ANPEP: variants seen among roughly 807,000 people sequenced by gnomAD.
The protein encoded by ANPEP is alanyl aminopeptidase, membrane.
A neutral mutation model predicts 114.6 loss-of-function variants in ANPEP; 70 were observed. That is an observed-to-expected ratio of 0.61 (90% CI 0.50 to 0.75). ANPEP has a LOEUF of 0.75. Ranked by LOEUF, ANPEP falls within the 30% of genes least tolerant of loss-of-function variation. The pLI is 0.00. For missense variants in ANPEP, 1,184 were observed against 1,259.5 expected (o/e 0.94, Z 0.91); for synonymous variants, 548 against 522.3 (o/e 1.05, Z -0.67).
chr15:89,804,915 G>C, intron 4 of ANPEP, 163 bp downstream of exon 4: 1 of 1,073,550 alleles, frequency 9.3e-7, no homozygotes, highest in Admixed American at 2.6e-5. Context: ...TTCAGGTGCA[G>C]AAATGGAGAA....
chr15:89,808,825 A>G (rs926849216), intron 1 of ANPEP, among the ~76,000 whole-genome samples: 1 of 152,220 alleles, frequency 6.6e-6, no homozygotes, highest in African/African-American at 2.4e-5. Flanking sequence ...CAATGTGTGA[A>G]CTGAAGGGAC....
intron 19 of ANPEP, 65 bp downstream of exon 19, chr15:89,790,888 C>A: frequency 1.3e-6 from 2 of 1,583,440 alleles, no homozygotes; most frequent in Non-Finnish European, 8.6e-7. Context: ...CTTACCCGCA[C>A]AGGCCACCCC....
intron 1 of ANPEP, among the ~76,000 whole-genome samples, chr15:89,811,929 A>T (rs2141817582): frequency 6.6e-6 from 1 of 152,350 alleles, no homozygotes; most frequent in East Asian, 1.9e-4. Context: ...TTCCCTGCCT[A>T]TGTTTTAGTC....
rs201340495 is a variant in ANPEP at position 89,785,440 on chromosome 15, T to C, written c.2813A>G (p.Glu938Gly). ...TGFGSGTRAL[E>G]QALEKTKANI... ...GGCTTTCGTCTTCTCCAGGGCTTGCTCCAGGGCCCGGGTGCCTGAGCCGAA... is the reference window on the plus strand; with the variant it reads ...GGCTTTCGTCTTCTCCAGGGCTTGCCCCAGGGCCCGGGTGCCTGAGCCGAA... Residue 938 changes from glutamate (E) to glycine (G), a missense_variant, in exon 21 of 21, where the codon GAG becomes GGG. By Grantham distance (98) the Glu-to-Gly change is moderately conservative. Coordinates refer to ENST00000300060, the MANE Select transcript of ANPEP (RefSeq NM_001150.3). The C allele has an allele frequency of 7.5e-4, 1,208 of 1,614,140 alleles. 19 individuals carry two copies. The South Asian group carries it at 0.013, about 17-fold the overall frequency.
rs1894551563 is a variant in ANPEP at position 89,799,852 on chromosome 15, T to TAG, written c.1820-294_1820-293insCT. 6.6e-6 allele frequency among the ~76,000 whole-genome samples: 1 copy of TAG among 152,096 alleles called. No homozygotes were observed. ...GCTCACACTCAGCAATCCAGGCTGT[T>TAG]CCTCCTCCTTGCCCTCCTCCACACT... is the stretch of plus-strand genomic sequence containing the variant. On this transcript the variant is annotated intron_variant, in intron 12 of 20. Coordinates refer to ENST00000300060, the MANE Select transcript of ANPEP (RefSeq NM_001150.3). This position sits in a 1 kb window ranked among gnomAD's most constrained non-coding sequence, Gnocchi z 4.2.
intron 1 of ANPEP, among the ~76,000 whole-genome samples, chr15:89,812,012 C>G (rs569403413): frequency 6.6e-6 from 1 of 152,346 alleles, no homozygotes; most frequent in African/African-American, 2.4e-5. Flanking sequence ...AACGATCATG[C>G]CAGGGCATAA....
Position 89,806,270 on chromosome 15 carries a change from C to G in ANPEP, c.314G>C (p.Gly105Ala). The change falls in exon 2 of 21, where the codon GGC becomes GCC. Residue 105 changes from glycine (G) to alanine (A), a missense_variant. Coordinates refer to ENST00000300060, the MANE Select transcript of ANPEP (RefSeq NM_001150.3). The surrounding 1 kb of genome is among the most constrained non-coding windows in gnomAD (Gnocchi z 5.7). ...PNDRGLYVFK[G>A]SSTVRFTCKE... is the part of the protein sequence containing the mutation. ...GCAGGTGAAACGGACGGTGCTGGAG[C>G]CCTTAAAAACGTACAGGCCCCTGTC... The G allele has an allele frequency of 6.2e-7, 1 of 1,614,078 alleles. No individual in the cohort carries two copies. The highest frequency in any genetic ancestry group is 1.3e-5 in the African/African-American group (1 of 75,008).
At chr15:89,808,963 G>T (rs1346542590) in intron 1 of ANPEP, among the ~76,000 whole-genome samples, 2 of 152,212 alleles carry the variant, frequency 1.3e-5, no homozygotes, top group African/African-American at 2.4e-5. Context: ...GAGACTGAGG[G>T]TGTTCTGAGC....
chr15:89,806,464 G>C lies in ANPEP; in HGVS notation c.120C>G (p.Asn40Lys). The C allele has an allele frequency of 6.2e-7, 1 of 1,614,094 alleles. No homozygotes were observed. The part of the protein sequence containing the change: ...SVVYSQEKNK[N>K]ANSSPVASTT... ...TGGAGGCCACGGGGGAGCTGTTGGC[G>C]TTCTTGTTCTTCTCCTGGGAGTACA... Residue 40 changes from asparagine to lysine, a missense_variant, in exon 2 of 21, where the codon AAC becomes AAG. By Grantham distance (94) the Asn-to-Lys change is moderately conservative (BLOSUM62 0). Coordinates refer to ENST00000300060, the MANE Select transcript of ANPEP (RefSeq NM_001150.3). The surrounding 1 kb of genome is among the most constrained non-coding windows in gnomAD (Gnocchi z 5.7).
chr15:89,810,934 C>T (rs1292257731), intron 1 of ANPEP, among the ~76,000 whole-genome samples: 7 of 152,266 alleles, frequency 4.6e-5, no homozygotes, highest in African/African-American at 1.7e-4. Flanking sequence ...TGGAAAGCTT[C>T]CTGCCTTTGC....
At position 89,805,305 on chromosome 15, in the gene ANPEP, G is replaced by T. The variant is rs1894687083; in HGVS notation, c.757+16C>A. 2.5e-6 allele frequency: 4 copies of T among 1,613,236 alleles called. No individual in the cohort carries two copies. The highest frequency in any genetic ancestry group is 3.4e-6 in the Non-Finnish European group (4 of 1,179,436). On this transcript the variant is annotated intron_variant, in intron 3 of 20. Transcript: ENST00000300060. Reference sequence around the variant, plus strand: ...CCTGCCCCCTGGCCCTGTGGCCGCAGGCAGGGCCCACTCACCTTTGGGAAG... The same window carrying T: ...CCTGCCCCCTGGCCCTGTGGCCGCATGCAGGGCCCACTCACCTTTGGGAAG...
At chr15:89,807,063 G>T (rs564433346) in intron 1 of ANPEP, 1 of 157,512 alleles carries the variant, frequency 6.3e-6, no homozygotes, top group African/African-American at 2.4e-5. Context: ...AACACACTGG[G>T]GTCACCCCTT....
At chr15:89,809,812 T>C (rs757239742) in intron 1 of ANPEP, among the ~76,000 whole-genome samples, 3 of 152,232 alleles carry the variant, frequency 2.0e-5, no homozygotes, top group Non-Finnish European at 4.4e-5. Context: ...CTTAATACCT[T>C]CTGTGAACTT....
intron 20 of ANPEP, among the ~76,000 whole-genome samples, chr15:89,785,717 CAG>C (rs1968496049): frequency 6.6e-6 from 1 of 152,190 alleles, no homozygotes; most frequent in African/African-American, 2.4e-5. Flanking sequence ...AAACCTGGCT[CAG>C]GGAGATTCTG....
intron 1 of ANPEP, among the ~76,000 whole-genome samples, chr15:89,813,278 C>T (rs1894847324): frequency 6.6e-6 from 1 of 152,218 alleles, no homozygotes; most frequent in Non-Finnish European, 1.5e-5. Context: ...GACATGGGGA[C>T]CCCCATCTAT....
chr15:89,793,916 C>T (rs1056412505), intron 15 of ANPEP, among the ~76,000 whole-genome samples: 1 of 152,062 alleles, frequency 6.6e-6, no homozygotes, highest in African/African-American at 2.4e-5. Flanking sequence ...GTGTAAGCCC[C>T]ACCCCATGCT....
At position 89,803,715 on chromosome 15, in the gene ANPEP, T is replaced by C; in HGVS notation, c.1369A>G (p.Thr457Ala). 6.2e-7 allele frequency: 1 copy of C among 1,613,176 alleles called. No homozygotes were observed. The highest frequency in any genetic ancestry group is 1.3e-5 in the African/African-American group (1 of 75,008). The change falls in exon 8 of 21, where the codon ACA (threonine) becomes GCA (alanine). Residue 457 changes from threonine (T) to alanine (A), a missense_variant. Transcript: ENST00000300060. This position sits in a 1 kb window ranked among gnomAD's most constrained non-coding sequence, Gnocchi z 4.2. ...GGCGTGTTGATCTCCGAGGCGGGTG[T>C]GGACAGCGGGTGGGAGGAGGCCAGT... ...DALASSHPLS[T>A]PASEINTPAQ...
At chr15:89,809,106 C>T (rs1033785362) in intron 1 of ANPEP, among the ~76,000 whole-genome samples, 3 of 152,228 alleles carry the variant, frequency 2.0e-5, no homozygotes, top group Admixed American at 2.0e-4. Context: ...TCAGGAAGGG[C>T]TCCAGCTTGG....
In ANPEP at chr15:89,794,501, T is replaced by A. The variant is rs146201547; in HGVS notation, c.2158-1375A>T. On this transcript the variant is annotated intron_variant, in intron 15 of 20. Transcript: ENST00000300060. Reference sequence around the variant, plus strand: ...TCTGTCTCAAAAATAAATAAATAAATAAAAATAAATAAAAAAATTAAAGGG... The same window carrying A: ...TCTGTCTCAAAAATAAATAAATAAAAAAAAATAAATAAAAAAATTAAAGGG... Among the ~76,000 whole-genome samples, 887 of 150,858 alleles carry A rather than the reference T, an allele frequency of 5.9e-3. 5 individuals carry two copies. Among genetic ancestry groups the A allele is most frequent in the Middle Eastern group, 0.035 (10 of 288 alleles).
Sources: allele counts gnomAD v4.1 joint callset (sites outside exome capture counted in the v4.1 genomes callset), GRCh38; gene constraint gnomAD v4.1.1; non-coding constraint Gnocchi (gnomAD v3.1); transcripts MANE v1.5; gene names NCBI Gene and HGNC (gene_info 2026-07-23, HGNC 2026-07-21).